Variants in MIPOL1 observed in about 807,000 individuals in gnomAD.
The protein encoded by MIPOL1 is mirror-image polydactyly 1, also known as mirror-image polydactyly gene 1 protein.
Under a neutral mutation model 60.9 loss-of-function variants are expected in MIPOL1, and 57 were observed. That is an observed-to-expected ratio of 0.94 (90% CI 0.76 to 1.17). The LOEUF (loss-of-function observed/expected upper bound fraction) is 1.17. Ranked by LOEUF, MIPOL1 falls within the 50% of genes most tolerant of loss-of-function variation. The pLI is 0.00. For synonymous variants in MIPOL1, 179 were observed against 168.8 expected, an observed-to-expected ratio of 1.06 and a Z score of -0.47; for missense variants, 551 against 511.6, an observed-to-expected ratio of 1.08 and a Z score of -0.74.
At chr14:37,367,948 A>G (rs888302510) in intron 9 of MIPOL1, among the ~76,000 whole-genome samples, 1 of 152,076 alleles carries the variant, frequency 6.6e-6, no homozygotes, top group African/African-American at 2.4e-5. Context: ...AAAGACAGAG[A>G]CACAGTTTAA....
intron 10 of MIPOL1, among the ~76,000 whole-genome samples, chr14:37,372,370 T>C (rs1252592096): frequency 6.6e-6 from 1 of 152,140 alleles, no homozygotes; most frequent in Non-Finnish European, 1.5e-5. Flanking sequence ...AGAGATCTTT[T>C]TCTAAATGAC....
intron 9 of MIPOL1, among the ~76,000 whole-genome samples, chr14:37,314,469 A>G (rs1298652106): frequency 6.6e-6 from 1 of 152,192 alleles, no homozygotes; most frequent in Non-Finnish European, 1.5e-5. Flanking sequence ...GAATGCATGG[A>G]AAGTGCATTG....
chr14:37,445,455 C>T (rs1201337645), intron 11 of MIPOL1, among the ~76,000 whole-genome samples: 1 of 151,514 alleles, frequency 6.6e-6, no homozygotes, highest in African/African-American at 2.4e-5. Context: ...ATTCCATGCT[C>T]ATGGGTAGGA....
At position 37,548,556 on chromosome 14, in the gene MIPOL1, T is replaced by C. The variant is rs1178271940; in HGVS notation, c.*1585T>C. Reference sequence around the variant, plus strand: ...AAATATGTAATGATTTGGTCATGCATGGAGTCTTGTCTCTGGGCTCTATTT... The same window carrying C: ...AAATATGTAATGATTTGGTCATGCACGGAGTCTTGTCTCTGGGCTCTATTT... On this transcript the variant is annotated 3_prime_UTR_variant, in exon 13 of 13. Transcript: ENST00000684589. The C allele has an allele frequency of 6.6e-6, 1 of 152,026 alleles. No homozygotes were observed. Among genetic ancestry groups the C allele is most frequent in the Non-Finnish European group, 1.5e-5 (1 of 67,874 alleles). 9.4% of individuals were successfully genotyped at this position (152,026 alleles called of 1,614,324 possible). A position where few individuals can be genotyped will look rare whatever the true frequency, so the allele number is the denominator to read the frequency against.
At chr14:37,421,062 C>T (rs540762684) in intron 10 of MIPOL1, among the ~76,000 whole-genome samples, 1 of 152,230 alleles carries the variant, frequency 6.6e-6, no homozygotes, top group South Asian at 2.1e-4. Flanking sequence ...ACCAAGTCTT[C>T]ATAGTCAACT....
At chr14:37,225,409 A>G (rs944492852) in intron 1 of MIPOL1, among the ~76,000 whole-genome samples, 6 of 152,286 alleles carry the variant, frequency 3.9e-5, no homozygotes, top group South Asian at 2.1e-4. Flanking sequence ...TCTGAAATCT[A>G]GGCAGAGGTT....
At chr14:37,236,412 T>A (rs1971485824) in intron 1 of MIPOL1, among the ~76,000 whole-genome samples, 1 of 152,068 alleles carries the variant, frequency 6.6e-6, no homozygotes, top group Admixed American at 6.6e-5. Flanking sequence ...TTGAAGGCTG[T>A]AGTAGTGTGT....
chr14:37,329,326 TA>T (rs2089476185), intron 9 of MIPOL1, among the ~76,000 whole-genome samples: 1 of 152,190 alleles, frequency 6.6e-6, no homozygotes, highest in Non-Finnish European at 1.5e-5. Context: ...AAGCTTTTGC[TA>T]CAGTAGTTGG....
At chr14:37,476,466 C>T (rs887572128) in intron 11 of MIPOL1, among the ~76,000 whole-genome samples, 4 of 152,056 alleles carry the variant, frequency 2.6e-5, no homozygotes, top group Admixed American at 6.6e-5. Flanking sequence ...ACTTCTAGTG[C>T]GATGTTGAAT....
chr14:37,234,766 C>T (rs1014557284), intron 1 of MIPOL1, among the ~76,000 whole-genome samples: 1 of 151,590 alleles, frequency 6.6e-6, no homozygotes, highest in African/African-American at 2.4e-5. Context: ...CTAATGTGGT[C>T]CACTTAGCTG....
intron 11 of MIPOL1, among the ~76,000 whole-genome samples, chr14:37,428,515 G>A (rs894699648): frequency 5.9e-5 from 9 of 152,168 alleles, no homozygotes; most frequent in East Asian, 3.9e-4. Context: ...TTGAGCCCAA[G>A]AGGCAGAGGT....
chr14:37,285,469 A>G, intron 7 of MIPOL1, 22 bp downstream of exon 7: 1 of 1,607,822 alleles, frequency 6.2e-7, no homozygotes, highest in Admixed American at 1.7e-5. Flanking sequence ...TTTAAAACTC[A>G]GTATGATATT....
intron 12 of MIPOL1, among the ~76,000 whole-genome samples, chr14:37,512,426 A>G (rs890585269): frequency 6.6e-6 from 1 of 151,790 alleles, no homozygotes; most frequent in Non-Finnish European, 1.5e-5. Flanking sequence ...AACAGGATAG[A>G]TGACTGTGGG....
chr14:37,533,237 T>C (rs930703189), intron 12 of MIPOL1, among the ~76,000 whole-genome samples: 1 of 152,170 alleles, frequency 6.6e-6, no homozygotes, highest in Non-Finnish European at 1.5e-5. Context: ...CATGCAGTTT[T>C]AAACTGCCAG....
intron 9 of MIPOL1, among the ~76,000 whole-genome samples, chr14:37,334,395 T>C (rs2089959328): frequency 6.6e-6 from 1 of 151,976 alleles, no homozygotes; most frequent in Non-Finnish European, 1.5e-5. Context: ...ACCCTAAAAC[T>C]ATAAGGGACA....
chr14:37,342,969 G>A (rs1040129425), intron 9 of MIPOL1, among the ~76,000 whole-genome samples: 2 of 149,424 alleles, frequency 1.3e-5, no homozygotes, highest in Admixed American at 1.3e-4. Flanking sequence ...AGTATTTTAG[G>A]ATTGTTTATA....
intron 10 of MIPOL1, among the ~76,000 whole-genome samples, chr14:37,419,730 G>A (rs1231224266): frequency 6.6e-6 from 1 of 151,812 alleles, no homozygotes; most frequent in Non-Finnish European, 1.5e-5. Context: ...ACGTGGAATG[G>A]GGTAGGGGAT....
At chr14:37,525,643 G>A (rs982043882) in intron 12 of MIPOL1, among the ~76,000 whole-genome samples, 6 of 152,084 alleles carry the variant, frequency 3.9e-5, no homozygotes, top group African/African-American at 4.8e-5. Context: ...TGTTGTTCCC[G>A]GAAGCAGCCT....
chr14:37,432,491 T>C (rs924804898), intron 11 of MIPOL1, among the ~76,000 whole-genome samples: 4 of 152,212 alleles, frequency 2.6e-5, no homozygotes, highest in East Asian at 3.9e-4. Context: ...TGTAAATGAA[T>C]GAATGATTTT....
Sources: allele counts gnomAD v4.1 joint callset (sites outside exome capture counted in the v4.1 genomes callset), GRCh38; gene constraint gnomAD v4.1.1; transcripts MANE v1.5; gene names NCBI Gene and HGNC (gene_info 2026-07-23, HGNC 2026-07-21).